Variants in TMCO4 observed in about 807,000 individuals in gnomAD.
TMCO4 encodes transmembrane and coiled-coil domains 4.
TMCO4 carries 58 observed loss-of-function variants against 64.7 expected under a neutral mutation model. The observed-to-expected ratio is 0.90, with a 90% CI of 0.73 to 1.12. The LOEUF (loss-of-function observed/expected upper bound fraction) is 1.12. TMCO4 is among the 50% of genes most tolerant of loss of function. TMCO4 has a pLI of 0.00. For missense variants in TMCO4, 780 were observed against 825.9 expected (o/e 0.94, Z 0.68); for synonymous variants, 325 against 346.1 (o/e 0.94, Z 0.68).
intron 4 of TMCO4, 55 bp downstream of exon 4, chr1:19,780,525 G>A (rs12035882): frequency 0.19 from 291,484 of 1,529,292 alleles, 29,499 homozygotes; most frequent in East Asian, 0.3. Flanking sequence ...TTGGCTGTCC[G>A]TAGTTGTTCC....
At position 19,683,047 on chromosome 1, in the gene TMCO4, A is replaced by G. The variant is rs971379018; in HGVS notation, c.1898T>C (p.Leu633Pro). 5 of 1,585,360 alleles carry G rather than the reference A, an allele frequency of 3.2e-6. No homozygotes were observed. Among genetic ancestry groups the G allele is most frequent in the Non-Finnish European group, 3.4e-6 (4 of 1,166,860 alleles). ...ACKTQGPSTG[L>P]D ...TCAGGTCCCCTGCTGTGGTCAGTCC[A>G]GCCCCGTGCTGGGGCCCTGGGTCTT... Residue 633 changes from leucine (L) to proline (P), a missense_variant, in exon 16 of 16, where the codon CTG becomes CCG. By Grantham distance (98) the Leu-to-Pro change is moderately conservative. Coordinates refer to ENST00000294543, the MANE Select transcript of TMCO4 (RefSeq NM_181719.7).
chr1:19,708,488 A>T (rs184006923), intron 13 of TMCO4, among the ~76,000 whole-genome samples: 1 of 152,210 alleles, frequency 6.6e-6, no homozygotes, highest in East Asian at 1.9e-4. Flanking sequence ...GATCTCAAAA[A>T]CTGTGTTTAA....
At chr1:19,779,265 G>C (rs933770253) in intron 4 of TMCO4, among the ~76,000 whole-genome samples, 11 of 152,000 alleles carry the variant, frequency 7.2e-5, no homozygotes, top group African/African-American at 2.2e-4. Flanking sequence ...TGAACCTTTG[G>C]AGCCATAGTG....
At chr1:19,733,653 C>T (rs975680850) in intron 13 of TMCO4, among the ~76,000 whole-genome samples, 1 of 152,108 alleles carries the variant, frequency 6.6e-6, no homozygotes, top group Non-Finnish European at 1.5e-5. Context: ...TTTGGGAAAA[C>T]AATTGCCCAC....
intron 1 of TMCO4, among the ~76,000 whole-genome samples, chr1:19,798,665 T>A (rs920732691): frequency 1.3e-5 from 2 of 152,134 alleles, no homozygotes; most frequent in Non-Finnish European, 2.9e-5. Context: ...CTAATACCGA[T>A]CTCTTCTGCT....
chr1:19,786,122 C>A (rs542896252), intron 3 of TMCO4, among the ~76,000 whole-genome samples: 138 of 152,244 alleles, frequency 9.1e-4, no homozygotes, highest in African/African-American at 3.2e-3. Context: ...GTGGAGCATA[C>A]CTGTGGTCCC....
At chr1:19,752,522 G>A (rs915903831) in intron 7 of TMCO4, among the ~76,000 whole-genome samples, 2 of 152,158 alleles carry the variant, frequency 1.3e-5, no homozygotes, top group African/African-American at 2.4e-5. Context: ...GGTGTTTTCT[G>A]TCCTTATCCT....
At chr1:19,781,705 G>A (rs2043489733) in intron 3 of TMCO4, among the ~76,000 whole-genome samples, 1 of 149,614 alleles carries the variant, frequency 6.7e-6, no homozygotes, top group Non-Finnish European at 1.5e-5. Flanking sequence ...GGAGTGCAGT[G>A]GCACGATCTT....
At position 19,770,474 on chromosome 1, in the gene TMCO4, C is replaced by A; in HGVS notation, c.382+68G>T. On this transcript the variant is annotated intron_variant, in intron 6 of 15. Transcript: ENST00000294543. ...CCCGGCCCCAGGTGGTGGCACCTCTCACTGGCTTTGCTAGCCAAGGGTGCA... is the reference window on the plus strand; with the variant it reads ...CCCGGCCCCAGGTGGTGGCACCTCTAACTGGCTTTGCTAGCCAAGGGTGCA... The A allele has an allele frequency of 2.5e-6, 4 of 1,589,558 alleles. No homozygotes were observed. In the East Asian group the frequency reaches 6.7e-5, roughly 27 times the overall value.
intron 13 of TMCO4, among the ~76,000 whole-genome samples, chr1:19,717,375 G>T (rs573876388): frequency 1.3e-5 from 2 of 152,252 alleles, no homozygotes; most frequent in African/African-American, 4.8e-5. Flanking sequence ...TCTGCGCCCT[G>T]CACAGGTCCT....
chr1:19,757,275 C>A (rs1287848136), intron 6 of TMCO4, among the ~76,000 whole-genome samples: 1 of 152,014 alleles, frequency 6.6e-6, no homozygotes, highest in African/African-American at 2.4e-5. Flanking sequence ...ATTCTAAAAT[C>A]ACAGTGTTAG....
rs562448433 is a variant in TMCO4, at chr1:19,783,520, A to C, written c.-8-2754T>G. Among the ~76,000 whole-genome samples, 8 of 152,354 alleles carry C rather than the reference A, an allele frequency of 5.3e-5. No homozygotes were observed. In the South Asian group the frequency reaches 1.7e-3, roughly 32 times the overall value. ...CACAACTAATATTTCATTTGTTTTC[A>C]AAACAACCCTGAGGTAGTTCAAAGC... is the stretch of plus-strand genomic sequence containing the variant. On this transcript the variant is annotated intron_variant, in intron 3 of 15. Transcript: ENST00000294543.
chr1:19,710,264 GCCC>G (rs1570711708), intron 13 of TMCO4, among the ~76,000 whole-genome samples: 1 of 125,724 alleles, frequency 8.0e-6, no homozygotes, highest in Non-Finnish European at 1.8e-5. Context: ...GTGTTACCAT[GCCC>G]CCATTTTTTT....
At chr1:19,755,329 T>C (rs1301447819) in intron 7 of TMCO4, among the ~76,000 whole-genome samples, 3 of 152,246 alleles carry the variant, frequency 2.0e-5, no homozygotes, top group Non-Finnish European at 4.4e-5. Flanking sequence ...TTTTATCATG[T>C]TGGTCAGGCT....
At chr1:19,788,651 C>T (rs2043863496) in intron 2 of TMCO4, among the ~76,000 whole-genome samples, 1 of 152,048 alleles carries the variant, frequency 6.6e-6, no homozygotes, top group African/African-American at 2.4e-5. Context: ...ACTGGCAGCC[C>T]GAGATTGGCA....
chr1:19,745,614 C>T lies in TMCO4; in HGVS notation c.795G>A (p.Glu265=), dbSNP rs1437398197. Reference sequence around the variant, plus strand: ...CCTCCGTCAGAGGCAGAAACGTGAACTCTTCAATGGCTCCCACTCGCTTCT... The same window carrying T: ...CCTCCGTCAGAGGCAGAAACGTGAATTCTTCAATGGCTCCCACTCGCTTCT... ...KMKKRVGAIE[E]FTFLPLTEGR... is the part of the protein sequence containing the mutation. The change falls in exon 10 of 16, where the codon GAG becomes GAA. Residue 265 remains glutamate (E), a synonymous_variant. Transcript: ENST00000294543. 2 of 1,613,928 alleles carry T rather than the reference C, an allele frequency of 1.2e-6. No homozygotes were observed. The highest frequency in any genetic ancestry group is 1.7e-6 in the Non-Finnish European group (2 of 1,179,918).
At position 19,798,223 on chromosome 1, in the gene TMCO4, C is replaced by T. The variant is rs12401541; in HGVS notation, c.-179-8G>A. ...GGTTTATAATGTACAACACTGTTTA[C>T]AAAACACACAGGCCAAAAGAGAACA... On this transcript the variant is annotated splice_region_variant and splice_polypyrimidine_tract_variant and intron_variant, in intron 1 of 15. Transcript: ENST00000294543. The T allele has an allele frequency of 0.024, 3,674 of 152,690 alleles. 81 individuals are homozygous for T. Among genetic ancestry groups the T allele is most frequent in the African/African-American group, 0.051 (2,135 of 41,518 alleles). 9.5% of individuals were successfully genotyped at this position (152,690 alleles called of 1,614,324 possible).
At chr1:19,746,931 A>C (rs1446817614) in intron 8 of TMCO4, among the ~76,000 whole-genome samples, 1 of 148,856 alleles carries the variant, frequency 6.7e-6, no homozygotes, top group Non-Finnish European at 1.5e-5. Flanking sequence ...CTCAAAAAAA[A>C]AAAAAAAAAA....
intron 2 of TMCO4, among the ~76,000 whole-genome samples, chr1:19,789,297 G>A (rs1284575193): frequency 2.6e-5 from 4 of 151,994 alleles, no homozygotes; most frequent in Non-Finnish European, 4.4e-5. Context: ...AGCTATTCAG[G>A]AGGCTGAGGC....
Sources: gnomAD v4.1 joint callset for allele counts (sites outside exome capture counted in the v4.1 genomes callset) on GRCh38, gnomAD v4.1.1 for gene constraint, MANE v1.5 for transcripts, NCBI Gene and HGNC (gene_info 2026-07-23, HGNC 2026-07-21) for gene names.